CADM2: variants seen among roughly 807,000 people sequenced by gnomAD.
The protein encoded by CADM2 is immunoglobulin superfamily member 4D.
In CADM2, 12 loss-of-function variants were observed where a neutral mutation model predicts 49.8. That is an observed-to-expected ratio of 0.24 (90% CI 0.15 to 0.39). The LOEUF (loss-of-function observed/expected upper bound fraction) is 0.39. Ranked by LOEUF, CADM2 falls within the 10% of genes least tolerant of loss-of-function variation. The probability of loss-of-function intolerance (pLI) is 1.00; values close to 1 mark genes in which losing one functional copy is unlikely to be tolerated. For missense variants in CADM2, 378 were observed against 492.3 expected (o/e 0.77, Z 2.20); for synonymous variants, 214 against 175.4 (o/e 1.22, Z -1.74).
chr3:85,757,437 C>T lies in CADM2; in HGVS notation c.88+30889C>T, dbSNP rs191581896. ...ATACTTTAATTTTTGTTTCAAGAAG[C>T]ATGTAACCTGGTCACAGAAATAGAC... On this transcript the variant is annotated intron_variant, in intron 2 of 9. Transcript: ENST00000383699. Among the ~76,000 whole-genome samples, 361 of 152,078 alleles carry T rather than the reference C, an allele frequency of 2.4e-3. 3 individuals carry two copies. The highest frequency in any genetic ancestry group is 0.023 in the South Asian group (112 of 4,820).
chr3:85,692,895 C>G (rs1198131622), intron 1 of CADM2, among the ~76,000 whole-genome samples: 1 of 152,120 alleles, frequency 6.6e-6, no homozygotes, highest in Admixed American at 6.5e-5. Flanking sequence ...AATTTCTTCT[C>G]CCACATACTT....
intron 1 of CADM2, among the ~76,000 whole-genome samples, chr3:85,719,708 A>G (rs948295902): frequency 1.3e-5 from 2 of 151,484 alleles, no homozygotes; most frequent in Non-Finnish European, 2.9e-5. Flanking sequence ...GAGGCAGGAG[A>G]AAATTTGCTT....
intron 1 of CADM2, among the ~76,000 whole-genome samples, chr3:85,218,630 T>C (rs1384784797): frequency 1.3e-5 from 2 of 152,050 alleles, no homozygotes; most frequent in African/African-American, 4.8e-5. Flanking sequence ...AACCTGTCTC[T>C]GCTAAAAACA....
Position 85,396,594 on chromosome 3 carries a change from G to A in CADM2, c.62-329928G>A, listed in dbSNP as rs189179340. 2.3e-3 allele frequency among the ~76,000 whole-genome samples: 344 copies of A among 151,760 alleles called. 1 individual carries two copies. Among genetic ancestry groups the A allele is most frequent in the Non-Finnish European group, 3.8e-3 (261 of 67,830 alleles). On this transcript the variant is annotated intron_variant, in intron 1 of 9. Coordinates refer to ENST00000383699, the MANE Select transcript of CADM2 (RefSeq NM_001167675.2). ...TAGAAATATGGATAGATGATTTTTTGCATTACTCATTATTTTTCAAGACTT... is the reference window on the plus strand; with the variant it reads ...TAGAAATATGGATAGATGATTTTTTACATTACTCATTATTTTTCAAGACTT...
At chr3:85,829,371 A>T (rs1373660481) in intron 3 of CADM2, among the ~76,000 whole-genome samples, 1 of 151,910 alleles carries the variant, frequency 6.6e-6, no homozygotes, top group Non-Finnish European at 1.5e-5. Flanking sequence ...TATGATGTGT[A>T]ATGATCAAAT....
chr3:85,262,140 G>C (rs2043025371), intron 1 of CADM2, among the ~76,000 whole-genome samples: 1 of 152,002 alleles, frequency 6.6e-6, no homozygotes, highest in Non-Finnish European at 1.5e-5. Flanking sequence ...TTTGCTTTTA[G>C]AACTATGATA....
At chr3:85,852,713 G>T (rs1430144403) in intron 3 of CADM2, among the ~76,000 whole-genome samples, 1 of 152,056 alleles carries the variant, frequency 6.6e-6, no homozygotes, top group Non-Finnish European at 1.5e-5. Flanking sequence ...TAACTAAATT[G>T]TATTTTGCAA....
chr3:85,881,585 G>A (rs1201946291), intron 3 of CADM2, among the ~76,000 whole-genome samples: 1 of 152,120 alleles, frequency 6.6e-6, no homozygotes, highest in Non-Finnish European at 1.5e-5. Context: ...TGGTTCTAAT[G>A]AGAATTTAAT....
At chr3:85,912,228 G>A in intron 5 of CADM2, 145 bp from the exon 6 acceptor site, 7 of 594,516 alleles carry the variant, frequency 1.2e-5, no homozygotes. Context: ...TAATTGAATT[G>A]AAATAGATTA....
chr3:85,171,309 G>T (rs181337458), intron 1 of CADM2, among the ~76,000 whole-genome samples: 1 of 152,230 alleles, frequency 6.6e-6, no homozygotes, highest in Non-Finnish European at 1.5e-5. Context: ...TCATTGAAAT[G>T]TACCAACTTT....
chr3:85,366,416 G>A (rs912073431), intron 1 of CADM2, among the ~76,000 whole-genome samples: 6 of 152,124 alleles, frequency 3.9e-5, no homozygotes, highest in African/African-American at 2.4e-5. Flanking sequence ...AGAAGCAGTT[G>A]TATAAAATGC....
chr3:85,518,947 A>G (rs1484150058), intron 1 of CADM2, among the ~76,000 whole-genome samples: 1 of 152,282 alleles, frequency 6.6e-6, no homozygotes, highest in Admixed American at 6.5e-5. Context: ...TACCAGGGCC[A>G]TTTTAGAATT....
At chr3:85,359,666 A>ATATATATTT in intron 1 of CADM2, among the ~76,000 whole-genome samples, 8 of 26,548 alleles carry the variant, frequency 3.0e-4, no homozygotes, top group Non-Finnish European at 4.9e-4. Context: ...ATATATATAT[A>ATATATATTT]TTTTTTTTTT....
chr3:85,773,902 A>C (rs2070226922), intron 2 of CADM2, among the ~76,000 whole-genome samples: 1 of 152,018 alleles, frequency 6.6e-6, no homozygotes, highest in Non-Finnish European at 1.5e-5. Flanking sequence ...TTAATAGACA[A>C]AATTTTAATA....
intron 1 of CADM2, among the ~76,000 whole-genome samples, chr3:85,001,019 A>G (rs2033435610): frequency 6.6e-6 from 1 of 152,092 alleles, no homozygotes; most frequent in Non-Finnish European, 1.5e-5. Context: ...AAAATGAGAA[A>G]CATTGTGGAT....
chr3:85,744,332 T>G (rs1197654108), intron 2 of CADM2, among the ~76,000 whole-genome samples: 1 of 152,096 alleles, frequency 6.6e-6, no homozygotes, highest in African/African-American at 2.4e-5. Context: ...AATAATAAAT[T>G]TAATTGTACA....
chr3:85,685,118 G>C (rs2066163183), intron 1 of CADM2, among the ~76,000 whole-genome samples: 1 of 152,092 alleles, frequency 6.6e-6, no homozygotes, highest in Non-Finnish European at 1.5e-5. Flanking sequence ...CGGGCTTGGT[G>C]GTGGGCACCT....
intron 5 of CADM2, among the ~76,000 whole-genome samples, chr3:85,890,758 G>T (rs1286070419): frequency 6.6e-6 from 1 of 151,174 alleles, no homozygotes; most frequent in African/African-American, 2.4e-5. Context: ...CAGTGATTTT[G>T]GGATCCTGAG....
intron 1 of CADM2, among the ~76,000 whole-genome samples, chr3:85,247,600 G>A (rs1221580889): frequency 6.6e-6 from 1 of 152,136 alleles, no homozygotes; most frequent in African/African-American, 2.4e-5. Context: ...TAAATTAGGT[G>A]AGTAATCCTG....
Sources: gnomAD v4.1 joint callset for allele counts (sites outside exome capture counted in the v4.1 genomes callset) on GRCh38, gnomAD v4.1.1 for gene constraint, MANE v1.5 for transcripts, NCBI Gene and HGNC (gene_info 2026-07-23, HGNC 2026-07-21) for gene names.